The following MAML3 variants were observed in gnomAD, a reference collection of about 807,000 sequenced individuals.
The protein encoded by MAML3 is mastermind like transcriptional coactivator 3, also known as mastermind-like protein 3.
A neutral mutation model predicts 101.9 loss-of-function variants in MAML3; 27 were observed. The observed-to-expected ratio is 0.27, with a 90% CI of 0.20 to 0.37. The LOEUF (loss-of-function observed/expected upper bound fraction) is 0.37, where lower values mean the gene tolerates loss of function less well. MAML3 is among the 10% of genes least tolerant of loss of function. MAML3 has a pLI of 1.00. For synonymous variants in MAML3, 501 were observed against 555.9 expected (o/e 0.90, Z 1.39); for missense variants, 1,316 against 1,444.9 (o/e 0.91, Z 1.45).
chr4:140,149,935 CTTTCT>C (rs1729127199), intron 1 of MAML3, among the ~76,000 whole-genome samples: 1 of 50,118 alleles, frequency 2.0e-5, no homozygotes, highest in African/African-American at 6.5e-5. Context: ...GAGCATGTTT[CTTTCT>C]TTTTTTTTTT....
intron 2 of MAML3, among the ~76,000 whole-genome samples, chr4:139,788,099 A>G (rs1385394849): frequency 1.3e-5 from 2 of 152,252 alleles, no homozygotes; most frequent in Non-Finnish European, 2.9e-5. Flanking sequence ...CCAGAGTCCA[A>G]TTCAACCTCA....
chr4:139,905,316 C>T lies in MAML3; in HGVS notation c.469-14349G>A, dbSNP rs142504555. Among the ~76,000 whole-genome samples the T allele has an allele frequency of 5.8e-3, 888 of 151,866 alleles. 5 individuals carry two copies. The highest frequency in any genetic ancestry group is 0.02 in the African/African-American group (829 of 41,420). On this transcript the variant is annotated intron_variant, in intron 1 of 4. Transcript: ENST00000509479. The stretch of plus-strand genomic sequence containing the variant: ...GACCATCCTGGCTAACACGGTGAAA[C>T]CTGTCTCTACTAAAAATACAAAAAA...
At chr4:139,861,478 TGTGTGTGTG>T (rs1731785255) in intron 2 of MAML3, among the ~76,000 whole-genome samples, 1 of 5,206 alleles carries the variant, frequency 1.9e-4, no homozygotes, top group African/African-American at 3.5e-3. Context: ...AACCAGCCGA[TGTGTGTGTG>T]TGTGTGTGTG....
intron 2 of MAML3, among the ~76,000 whole-genome samples, chr4:139,811,882 G>T (rs912793015): frequency 1.3e-5 from 2 of 152,192 alleles, no homozygotes; most frequent in Non-Finnish European, 2.9e-5. Context: ...TGAATGTGTG[G>T]TAACTAATTC....
chr4:139,840,164 A>G (rs1457477483), intron 2 of MAML3, among the ~76,000 whole-genome samples: 2 of 152,226 alleles, frequency 1.3e-5, no homozygotes, highest in Non-Finnish European at 2.9e-5. Context: ...ACACTAAGAC[A>G]CTACATGGTC....
At chr4:140,091,349 A>G (rs1728045217) in intron 1 of MAML3, among the ~76,000 whole-genome samples, 1 of 152,084 alleles carries the variant, frequency 6.6e-6, no homozygotes. Flanking sequence ...GCCACCAGTT[A>G]GGGTCTACCT....
At chr4:139,959,998 G>A (rs570880427) in intron 1 of MAML3, among the ~76,000 whole-genome samples, 1 of 152,318 alleles carries the variant, frequency 6.6e-6, no homozygotes, top group East Asian at 1.9e-4. Flanking sequence ...TTGAAAAGCA[G>A]AGACTATCAT....
intron 2 of MAML3, among the ~76,000 whole-genome samples, chr4:139,798,461 A>G (rs980954132): frequency 5.3e-5 from 8 of 152,208 alleles, no homozygotes; most frequent in African/African-American, 1.7e-4. Context: ...TTGTCAGGCA[A>G]TACTCTGCAG....
At chr4:139,970,763 T>C (rs976060141) in intron 1 of MAML3, among the ~76,000 whole-genome samples, 2 of 152,178 alleles carry the variant, frequency 1.3e-5, no homozygotes, top group African/African-American at 2.4e-5. Context: ...GCAGCTCCCA[T>C]TGAATTTTCA....
At chr4:140,148,603 T>C (rs1356786394) in intron 1 of MAML3, among the ~76,000 whole-genome samples, 4 of 152,242 alleles carry the variant, frequency 2.6e-5, no homozygotes, top group African/African-American at 4.8e-5. Flanking sequence ...GATGTAGAAA[T>C]AGCTTGGTAA....
intron 2 of MAML3, among the ~76,000 whole-genome samples, chr4:139,761,834 A>T (rs1446384036): frequency 6.6e-6 from 1 of 151,912 alleles, no homozygotes; most frequent in African/African-American, 2.4e-5. Context: ...AGTCAGGGAG[A>T]GTTTTCTCCG....
chr4:140,111,910 G>A (rs1728444788), intron 1 of MAML3, among the ~76,000 whole-genome samples: 1 of 152,138 alleles, frequency 6.6e-6, no homozygotes, highest in South Asian at 2.1e-4. Flanking sequence ...GCCCTCCTCA[G>A]TAGTTCTTTG....
At chr4:139,923,105 T>C (rs951589428) in intron 1 of MAML3, among the ~76,000 whole-genome samples, 2 of 152,224 alleles carry the variant, frequency 1.3e-5, no homozygotes, top group African/African-American at 4.8e-5. Context: ...GTCTCTAGAC[T>C]AGCACATTTT....
At chr4:139,968,885 C>T (rs1310889704) in intron 1 of MAML3, among the ~76,000 whole-genome samples, 2 of 152,154 alleles carry the variant, frequency 1.3e-5, no homozygotes, top group Middle Eastern at 3.4e-3. Context: ...AGGCTGTATC[C>T]TACCAGCATT....
At chr4:140,057,270 T>TTA (rs942739933) in intron 1 of MAML3, among the ~76,000 whole-genome samples, 5 of 152,064 alleles carry the variant, frequency 3.3e-5, no homozygotes, top group South Asian at 2.1e-4. Flanking sequence ...CTTGTCTCTA[T>TTA]TATATATATA....
chr4:139,902,622 G>A (rs918620698), intron 1 of MAML3, among the ~76,000 whole-genome samples: 8 of 152,166 alleles, frequency 5.3e-5, no homozygotes, highest in Non-Finnish European at 7.3e-5. Flanking sequence ...TCAGCCAGGC[G>A]GAGGTACACA....
intron 2 of MAML3, among the ~76,000 whole-genome samples, chr4:139,825,239 A>G (rs1387091972): frequency 6.6e-6 from 1 of 152,198 alleles, no homozygotes; most frequent in Non-Finnish European, 1.5e-5. Flanking sequence ...GGAAAGGGAA[A>G]CGGTATTGGG....
At chr4:139,905,047 G>T (rs1732795535) in intron 1 of MAML3, among the ~76,000 whole-genome samples, 1 of 152,336 alleles carries the variant, frequency 6.6e-6, no homozygotes, top group East Asian at 1.9e-4. Context: ...AGAGTGTAGG[G>T]CAGAAGTGTG....
In MAML3 at chr4:139,955,338, T is replaced by C. The variant is rs117257853; in HGVS notation, c.469-64371A>G. On this transcript the variant is annotated intron_variant, in intron 1 of 4. Transcript: ENST00000509479. ...AGGAAAACTTTACTTTTTTTTTTAA[T>C]CTAAAAGTTTCTCTGTACAACAGAT... Among the ~76,000 whole-genome samples the C allele has an allele frequency of 1.1e-3, 166 of 150,740 alleles. 3 individuals are homozygous for C. The East Asian group carries it at 0.024, about 22-fold the overall frequency.
Sources: allele counts gnomAD v4.1 joint callset (sites outside exome capture counted in the v4.1 genomes callset), GRCh38; gene constraint gnomAD v4.1.1; transcripts MANE v1.5; gene names NCBI Gene and HGNC (gene_info 2026-07-23, HGNC 2026-07-21).